Variants in CD109 observed in about 807,000 individuals in gnomAD.
CD109 encodes the protein CD109 molecule.
Under a neutral mutation model 165.8 loss-of-function variants are expected in CD109, and 149 were observed. The ratio of observed to expected loss-of-function variants is 0.90; its 90% confidence interval spans 0.79 to 1.03. CD109 has a LOEUF of 1.03. Among genes scored for constraint, CD109 ranks in the 50% least tolerant of loss-of-function variants. The pLI, the probability that CD109 is intolerant of heterozygous loss-of-function variation, is 0.00. For missense variants in CD109, 1,712 were observed against 1,677.8 expected (o/e 1.02, Z -0.36); for synonymous variants, 585 against 592.1 (o/e 0.99, Z 0.18).
rs1776307787 is a variant in CD109, at chr6:73,827,310, G to C, written c.*3677G>C. The C allele has an allele frequency of 6.6e-6, 1 of 152,052 alleles. No homozygotes were observed. Among genetic ancestry groups the C allele is most frequent in the Non-Finnish European group, 1.5e-5 (1 of 68,022 alleles). The allele number at this position is 152,052 out of a possible 1,614,324, so 9.4% of individuals were successfully genotyped here. On this transcript the variant is annotated 3_prime_UTR_variant, in exon 33 of 33. Coordinates refer to ENST00000287097, the MANE Select transcript of CD109 (RefSeq NM_133493.5). ...TGTAAATTTAAGACACTTATAGTAA[G>C]TGGACTCATTCATAGATGAGTTTCA...
intron 17 of CD109, among the ~76,000 whole-genome samples, chr6:73,781,835 A>ACACACACACACACACACCC (rs150665697): frequency 3.9e-4 from 56 of 144,422 alleles, no homozygotes; most frequent in African/African-American, 1.3e-3. Context: ...ACACACACAC[A>ACACACACACACACACACCC]CCCCTCATCA....
intron 5 of CD109, among the ~76,000 whole-genome samples, chr6:73,749,054 G>A (rs757681502): frequency 3.3e-5 from 5 of 152,164 alleles, no homozygotes; most frequent in Non-Finnish European, 5.9e-5. Flanking sequence ...AGGTTAGTAG[G>A]GATCGGAATA....
the CD109 span, among the ~76,000 whole-genome samples, chr6:73,683,065 C>A: frequency 2.0e-5 from 3 of 152,204 alleles, no homozygotes; most frequent in African/African-American, 7.2e-5. Flanking sequence ...TCCCCATTGT[C>A]TTGGTGATTA....
intron 21 of CD109, 57 bp from the exon 22 acceptor site, chr6:73,788,411 G>A: frequency 2.0e-6 from 3 of 1,525,274 alleles, no homozygotes; most frequent in South Asian, 2.5e-5. Flanking sequence ...TCTGCGTATA[G>A]TTCTCTGTAA....
chr6:73,684,760 C>T, the CD109 span, among the ~76,000 whole-genome samples: 9 of 151,302 alleles, frequency 5.9e-5, no homozygotes, highest in African/African-American at 1.7e-4. Flanking sequence ...TCATAGCTCA[C>T]GGTAACCTCA....
chr6:73,738,413 AT>A (rs1198540367), intron 5 of CD109, among the ~76,000 whole-genome samples: 1 of 152,220 alleles, frequency 6.6e-6, no homozygotes, highest in African/African-American at 2.4e-5. Context: ...TTTTTGGTCC[AT>A]TCAGATGCCA....
At chr6:73,808,855 A>C (rs898401343) in intron 26 of CD109, among the ~76,000 whole-genome samples, 6 of 151,306 alleles carry the variant, frequency 4.0e-5, no homozygotes, top group Admixed American at 2.6e-4. Context: ...TAAGAAAGAG[A>C]GAGATGGAAG....
chr6:73,703,108 T>C (rs933459038), intron 2 of CD109, among the ~76,000 whole-genome samples: 2 of 152,216 alleles, frequency 1.3e-5, no homozygotes, highest in Non-Finnish European at 1.5e-5. Context: ...GAAGAATTAG[T>C]TTTTCTGAGT....
At chr6:73,781,363 A>G (rs1272122786) in intron 17 of CD109, 44 bp downstream of exon 17, 2 of 1,443,342 alleles carry the variant, frequency 1.4e-6, no homozygotes, top group Non-Finnish European at 1.9e-6. Context: ...CTTTCACATG[A>G]TATTCAACAT....
the CD109 span, among the ~76,000 whole-genome samples, chr6:73,682,310 T>C: frequency 6.6e-6 from 1 of 152,092 alleles, no homozygotes. Context: ...ATTGGAGAAA[T>C]TGGCCAAAAC....
intron 2 of CD109, among the ~76,000 whole-genome samples, chr6:73,707,226 A>G (rs992062944): frequency 6.6e-6 from 1 of 152,190 alleles, no homozygotes; most frequent in African/African-American, 2.4e-5. Context: ...GGAGTGTGGT[A>G]TGAATGCTGC....
the CD109 span, among the ~76,000 whole-genome samples, chr6:73,680,923 A>C: frequency 1.3e-5 from 2 of 152,324 alleles, no homozygotes; most frequent in East Asian, 3.9e-4. Flanking sequence ...CTTTCTCTTC[A>C]GTCTTCATTT....
chr6:73,818,307 TG>T (rs1440211171), intron 30 of CD109, 80 bp from the exon 31 acceptor site: 2 of 1,465,850 alleles, frequency 1.4e-6, no homozygotes, highest in African/African-American at 2.8e-5. Context: ...TTGGTGGGTT[TG>T]ATTTTTGTAT....
chr6:73,772,837 A>G (rs1774092629), intron 15 of CD109, among the ~76,000 whole-genome samples: 1 of 151,804 alleles, frequency 6.6e-6, no homozygotes, highest in African/African-American at 2.4e-5. Flanking sequence ...AATTTAGTTT[A>G]CTTCAGAAAA....
At chr6:73,798,314 C>T (rs1014753590) in intron 23 of CD109, among the ~76,000 whole-genome samples, 2 of 152,010 alleles carry the variant, frequency 1.3e-5, no homozygotes, top group African/African-American at 4.8e-5. Context: ...GGGACTTTGC[C>T]GTATTAGCCA....
chr6:73,799,027 T>C (rs1266794564), intron 23 of CD109, among the ~76,000 whole-genome samples: 1 of 152,154 alleles, frequency 6.6e-6, no homozygotes. Flanking sequence ...TTAGGTTGAA[T>C]TCATAGTTAA....
intron 30 of CD109, among the ~76,000 whole-genome samples, chr6:73,816,950 T>C (rs1272419087): frequency 2.0e-5 from 3 of 152,068 alleles, no homozygotes; most frequent in Non-Finnish European, 4.4e-5. Context: ...AGGAATCAGG[T>C]GGACAACAGA....
chr6:73,710,102 C>A (rs937171993), intron 2 of CD109, among the ~76,000 whole-genome samples: 1 of 152,068 alleles, frequency 6.6e-6, no homozygotes, highest in Non-Finnish European at 1.5e-5. Flanking sequence ...GGCAATCAGG[C>A]AGGAGAAAGA....
intron 2 of CD109, among the ~76,000 whole-genome samples, chr6:73,710,828 A>C (rs1448864645): frequency 6.6e-6 from 1 of 152,196 alleles, no homozygotes; most frequent in Non-Finnish European, 1.5e-5. Context: ...AGGTTTTGCC[A>C]ACCTTCAGGT....
Sources: allele counts gnomAD v4.1 joint callset (sites outside exome capture counted in the v4.1 genomes callset), GRCh38; gene constraint gnomAD v4.1.1; transcripts MANE v1.5; gene names NCBI Gene and HGNC (gene_info 2026-07-23, HGNC 2026-07-21).